The following MICAL3 variants were observed in gnomAD, a reference collection of about 807,000 sequenced individuals.
MICAL3 encodes [F-actin]-monooxygenase MICAL3.
Under a neutral mutation model 207.4 loss-of-function variants are expected in MICAL3, and 62 were observed. The observed-to-expected ratio is 0.30, with a 90% CI of 0.24 to 0.37. The LOEUF (loss-of-function observed/expected upper bound fraction) is 0.37. MICAL3 is among the 10% of genes least tolerant of loss of function. MICAL3 has a pLI of 1.00. For missense variants in MICAL3, 2,368 were observed against 2,635.6 expected (o/e 0.90, Z 2.22); for synonymous variants, 1,077 against 1,069.3 (o/e 1.01, Z -0.14).
At position 17,918,281 on chromosome 22, in the gene MICAL3, A is replaced by T. The variant is rs778846662; in HGVS notation, c.-74-11395T>A. Among the ~76,000 whole-genome samples the T allele has an allele frequency of 8.4e-4, 113 of 135,122 alleles. 1 individual carries two copies. The highest frequency in any genetic ancestry group is 1.4e-3 in the Non-Finnish European group (95 of 67,100). 88.6% of individuals were successfully genotyped at this position (135,122 alleles called of 152,430 possible). Reference sequence around the variant, plus strand: ...GGCGGACAGAACGAGACTGTCTCTTAAAAAAAAAACATTGAGGACCCAAAG... The same window carrying T: ...GGCGGACAGAACGAGACTGTCTCTTTAAAAAAAAACATTGAGGACCCAAAG... On this transcript the variant is annotated intron_variant, in intron 1 of 31. Coordinates refer to ENST00000441493, the MANE Select transcript of MICAL3 (RefSeq NM_015241.3).
Position 17,808,855 on chromosome 22 carries a change from C to T in MICAL3, c.5639G>A (p.Arg1880Gln), listed in dbSNP as rs1601941988. 3.2e-6 allele frequency: 5 copies of T among 1,552,762 alleles called. No homozygotes were observed. Among genetic ancestry groups the T allele is most frequent in the East Asian group, 2.4e-5 (1 of 40,964 alleles). ...ERGVAVEKAL[R>Q]GEAGMGKKDD... ...GAGCCCGGCAGTACCTGCTTCGCCCCGGAGCGCCTTCTCCACAGCCACGCC... is the reference window on the plus strand; with the variant it reads ...GAGCCCGGCAGTACCTGCTTCGCCCTGGAGCGCCTTCTCCACAGCCACGCC... The change falls in exon 29 of 32, where the codon CGG becomes CAG. Residue 1880 changes from arginine to glutamine, a missense_variant. Physicochemically the swap from Arg to Gln is conservative, Grantham distance 43 (BLOSUM62 1). Coordinates refer to ENST00000441493, the MANE Select transcript of MICAL3 (RefSeq NM_015241.3).
chr22:17,871,170 C>A (rs185563261), intron 17 of MICAL3, among the ~76,000 whole-genome samples: 236 of 152,336 alleles, frequency 1.5e-3, no homozygotes, highest in Non-Finnish European at 2.6e-3. Context: ...TGGCGGCCAG[C>A]CTGCCTCTGC....
intron 1 of MICAL3, among the ~76,000 whole-genome samples, chr22:17,997,006 T>C (rs866411314): frequency 6.6e-5 from 10 of 151,782 alleles, no homozygotes; most frequent in Non-Finnish European, 1.0e-4. Context: ...ACAAACCACT[T>C]TGATTCTCTT....
Position 17,896,630 on chromosome 22 carries a change from C to T in MICAL3, c.1206+94G>A, listed in dbSNP as rs79662208. On this transcript the variant is annotated intron_variant, in intron 8 of 31. Transcript: ENST00000441493. ...CAGGGAGTTTACCTGTGCTGTACAA[C>T]ACTGCAGACGCTCATTCCAAGACCC... 2.1e-3 allele frequency: 2,729 copies of T among 1,326,422 alleles called. 44 individuals are homozygous for T. In the African/African-American group the frequency reaches 0.035, roughly 17 times the overall value. The allele number at this position is 1,326,422 out of a possible 1,614,324, so 82.2% of individuals were successfully genotyped here.
chr22:17,945,380 G>A (rs1181840157), intron 1 of MICAL3, among the ~76,000 whole-genome samples: 1 of 152,154 alleles, frequency 6.6e-6, no homozygotes, highest in Admixed American at 6.5e-5. Flanking sequence ...CAGGGTCCTT[G>A]GCCAGCTCCC....
At chr22:17,820,840 T>C (rs1014445868) in intron 25 of MICAL3, among the ~76,000 whole-genome samples, 8 of 147,378 alleles carry the variant, frequency 5.4e-5, no homozygotes, top group Admixed American at 5.4e-4. Context: ...ATTATAAATT[T>C]ATAAAAAATA....
At chr22:17,813,570 A>G (rs1417894676) in intron 27 of MICAL3, 1 of 152,268 alleles carries the variant, frequency 6.6e-6, no homozygotes, top group Non-Finnish European at 1.5e-5. Flanking sequence ...GGTTCAGAAA[A>G]AGAGACAGAT....
intron 1 of MICAL3, among the ~76,000 whole-genome samples, chr22:17,987,016 A>C (rs1388491066): frequency 2.0e-5 from 3 of 152,012 alleles, no homozygotes; most frequent in Non-Finnish European, 4.4e-5. Context: ...AGGCAGGAGA[A>C]TCATTGAGAC....
chr22:17,803,747 G>T, intron 29 of MICAL3: 1 of 806,000 alleles, frequency 1.2e-6, no homozygotes, highest in Non-Finnish European at 1.5e-6. Context: ...GCAGGGACTG[G>T]GAAGCGTGGG....
chr22:18,024,181 A>G (rs1924655702), intron 1 of MICAL3, 100 bp downstream of exon 1: 2 of 152,306 alleles, frequency 1.3e-5, no homozygotes, highest in Admixed American at 1.3e-4. Flanking sequence ...CTTCCCCACC[A>G]TAAGCAATCT....
At chr22:17,823,855 G>A (rs766935097) in intron 22 of MICAL3, among the ~76,000 whole-genome samples, 4 of 152,192 alleles carry the variant, frequency 2.6e-5, no homozygotes, top group South Asian at 4.1e-4. Context: ...TTTCTTTAGC[G>A]AGAAGTCTGA....
chr22:17,965,183 C>CAAAAA (rs370246938), intron 1 of MICAL3, among the ~76,000 whole-genome samples: 1 of 105,620 alleles, frequency 9.5e-6, no homozygotes. Flanking sequence ...ACCCCGTCTC[C>CAAAAA]AAAAAAAAAA....
chr22:17,794,386 A>G (rs2061854564), intron 29 of MICAL3, among the ~76,000 whole-genome samples: 1 of 152,264 alleles, frequency 6.6e-6, no homozygotes, highest in Admixed American at 6.5e-5. Context: ...AGATGTCACC[A>G]CAGGTATGTG....
chr22:18,009,168 T>G (rs1270082142), intron 1 of MICAL3, among the ~76,000 whole-genome samples: 1 of 106,640 alleles, frequency 9.4e-6, no homozygotes, highest in Non-Finnish European at 1.8e-5. Flanking sequence ...ATCACAATCA[T>G]CACCAAAACA....
At position 17,818,131 on chromosome 22, in the gene MICAL3, C is replaced by A; in HGVS notation, c.4530G>T (p.Arg1510=). The change falls in exon 26 of 32, where the codon CGG becomes CGT. Residue 1510 remains arginine (R), a synonymous_variant. Transcript: ENST00000441493. ...CCTCCACGCTCTCCACAAACGACTT[C>A]CGCACCTCCTCTCTGGGGGGCTGAG... The part of the protein sequence containing the change: ...EPAQPPREEV[R]KSFVESVEEI... 2 of 1,610,280 alleles carry A rather than the reference C, an allele frequency of 1.2e-6. No homozygotes were observed. The highest frequency in any genetic ancestry group is 1.1e-5 in the South Asian group (1 of 90,434).
At chr22:17,893,138 G>A (rs926717872) in intron 11 of MICAL3, among the ~76,000 whole-genome samples, 1 of 152,050 alleles carries the variant, frequency 6.6e-6, no homozygotes, top group Admixed American at 6.5e-5. Context: ...GTTGCACCTG[G>A]CCCAAAGTCT....
intron 1 of MICAL3, among the ~76,000 whole-genome samples, chr22:18,016,642 T>G (rs80222625): frequency 0.041 from 6,171 of 152,284 alleles, 247 homozygotes; most frequent in East Asian, 0.18. Flanking sequence ...GTTTTAAAAC[T>G]CTTTAAAATG....
intron 1 of MICAL3, among the ~76,000 whole-genome samples, chr22:17,961,830 C>T (rs940133181): frequency 6.6e-6 from 1 of 152,196 alleles, no homozygotes; most frequent in Non-Finnish European, 1.5e-5. Context: ...GCCACCAGTG[C>T]CACGGCCTGC....
chr22:17,831,475 A>T (rs1922802512), intron 21 of MICAL3, among the ~76,000 whole-genome samples: 1 of 152,228 alleles, frequency 6.6e-6, no homozygotes, highest in African/African-American at 2.4e-5. Context: ...CTAGACTAGG[A>T]TCAGGGAATC....
Sources: allele counts gnomAD v4.1 joint callset (sites outside exome capture counted in the v4.1 genomes callset), GRCh38; gene constraint gnomAD v4.1.1; transcripts MANE v1.5; gene names NCBI Gene and HGNC (gene_info 2026-07-23, HGNC 2026-07-21).